Variants in TCP11L1 observed in about 807,000 individuals in gnomAD.
TCP11L1 encodes the protein T-complex protein 11-like protein 1.
TCP11L1 carries 28 observed loss-of-function variants against 48.9 expected under a neutral mutation model. The observed-to-expected ratio is 0.57, with a 90% CI of 0.42 to 0.78. The LOEUF is 0.78. TCP11L1 is among the 30% of genes least tolerant of loss of function. The pLI, the probability that TCP11L1 is intolerant of heterozygous loss-of-function variation, is 0.00. For missense variants in TCP11L1, 505 were observed against 613.4 expected (o/e 0.82, Z 1.87); for synonymous variants, 204 against 231.9 (o/e 0.88, Z 1.09).
chr11:33,057,944 G>A lies in TCP11L1; in HGVS notation c.443G>A (p.Gly148Asp). ...ACTCTCTTATCTTTCTTGCTGCCTG[G>A]TCATACTAGACTGAGAAACCAGATA... The part of the protein sequence containing the change: ...KETLLSFLLP[G>D]HTRLRNQITE... Residue 148 changes from glycine to aspartate, a missense_variant, in exon 5 of 10, where the codon GGT becomes GAT. This residue lies in a region of TCP11L1 where 168 missense variants were observed against 183.5 expected (regional missense o/e 0.92). Coordinates refer to ENST00000334274, the MANE Select transcript of TCP11L1 (RefSeq NM_018393.4). 1 of 1,613,968 alleles carries A rather than the reference G, an allele frequency of 6.2e-7. No homozygotes were observed. Among genetic ancestry groups the A allele is most frequent in the Non-Finnish European group, 8.5e-7 (1 of 1,180,010 alleles).
In TCP11L1 at chr11:33,072,874, A is replaced by C; in HGVS notation, c.*198A>C. ...AATTCTATTTTGAGAGATTGTATTT[A>C]TGAGTGCAAGTTTACAAATCAAAGA... On this transcript the variant is annotated 3_prime_UTR_variant, in exon 10 of 10. Transcript: ENST00000334274. 1 of 639,162 alleles carries C rather than the reference A, an allele frequency of 1.6e-6. No individual in the cohort carries two copies. Among genetic ancestry groups the C allele is most frequent in the Non-Finnish European group, 2.7e-6 (1 of 376,156 alleles). 39.6% of individuals were successfully genotyped at this position (639,162 alleles called of 1,614,324 possible). A position where few individuals can be genotyped will look rare whatever the true frequency, so the allele number is the denominator to read the frequency against.
Position 33,054,605 on chromosome 11 carries a change from G to T in TCP11L1, c.176G>T (p.Arg59Leu). 5.6e-6 allele frequency: 9 copies of T among 1,612,304 alleles called. No individual in the cohort carries two copies. Among genetic ancestry groups the T allele is most frequent in the Non-Finnish European group, 7.6e-6 (9 of 1,179,500 alleles). Reference protein sequence around the residue: ...RVQRPHSSPPRFVTVEELLET... With the variant: ...RVQRPHSSPPLFVTVEELLET... The stretch of plus-strand genomic sequence containing the variant: ...GTTTCTGTTACAGCTAGTCCTCCTC[G>T]CTTTGTGACAGTAGAAGAACTTCTA... Residue 59 changes from arginine (R) to leucine (L), a missense_variant, in exon 3 of 10, where the codon CGC becomes CTC. Arg to Leu is a moderately radical substitution (Grantham distance 102). Coordinates refer to ENST00000334274, the MANE Select transcript of TCP11L1 (RefSeq NM_018393.4).
intron 7 of TCP11L1, 117 bp from the exon 8 acceptor site, chr11:33,065,709 GACAC>G: frequency 5.3e-6 from 6 of 1,124,944 alleles, no homozygotes; most frequent in Non-Finnish European, 7.6e-6. Context: ...TCAAAGCTCT[GACAC>G]ACTAGCGCAA....
chr11:33,051,740 C>G (rs950541322), intron 2 of TCP11L1, among the ~76,000 whole-genome samples: 6 of 152,082 alleles, frequency 3.9e-5, no homozygotes, highest in Non-Finnish European at 8.8e-5. Context: ...GCCACCGTGC[C>G]CGGCCTATCC....
chr11:33,058,437 G>C (rs1055249819), intron 5 of TCP11L1, among the ~76,000 whole-genome samples: 4 of 151,556 alleles, frequency 2.6e-5, no homozygotes, highest in Admixed American at 2.6e-4. Context: ...GACCTCACGT[G>C]ATTGGCTGCC....
chr11:33,070,121 A>T (rs983023201), intron 9 of TCP11L1, among the ~76,000 whole-genome samples: 37 of 145,566 alleles, frequency 2.5e-4, no homozygotes, highest in African/African-American at 4.6e-4. Flanking sequence ...ACAAAAAATT[A>T]AAAAAAAAAA....
chr11:33,042,196 T>G (rs1853856539), intron 1 of TCP11L1, among the ~76,000 whole-genome samples: 2 of 152,184 alleles, frequency 1.3e-5, no homozygotes, highest in Non-Finnish European at 2.9e-5. Context: ...AGTGGTGCGA[T>G]CTCGGCTCAC....
Position 33,065,893 on chromosome 11 carries a change from C to T in TCP11L1, c.1036C>T (p.Leu346=). 1.2e-6 allele frequency: 2 copies of T among 1,614,228 alleles called. No homozygotes were observed. Among genetic ancestry groups the T allele is most frequent in the South Asian group, 1.1e-5 (1 of 91,086 alleles). ...LQLQLEQLTI[L]GAVLLVTFSM... ...GTTGCAGCTGGAACAACTGACCATC[C>T]TGGGGGCTGTGTTGCTGGTCACCTT... is the stretch of plus-strand genomic sequence containing the variant. Residue 346 remains leucine (L), a synonymous_variant, in exon 8 of 10, where the codon CTG becomes TTG. Coordinates refer to ENST00000334274, the MANE Select transcript of TCP11L1 (RefSeq NM_018393.4).
chr11:33,043,693 G>A, intron 1 of TCP11L1, 57 bp from the exon 2 acceptor site: 3 of 1,449,696 alleles, frequency 2.1e-6, no homozygotes, highest in Non-Finnish European at 1.9e-6. Context: ...CACATTGCTA[G>A]TTGGTGACAG....
chr11:33,055,557 AG>A (rs1224221581), intron 3 of TCP11L1, among the ~76,000 whole-genome samples: 1 of 152,212 alleles, frequency 6.6e-6, no homozygotes, highest in Non-Finnish European at 1.5e-5. Context: ...GTTGGCTAAA[AG>A]GGAATGAACT....
intron 2 of TCP11L1, among the ~76,000 whole-genome samples, chr11:33,051,742 G>A (rs557689340): frequency 2.3e-4 from 35 of 152,150 alleles, no homozygotes; most frequent in Admixed American, 1.0e-3. Flanking sequence ...CACCGTGCCC[G>A]GCCTATCCTT....
At chr11:33,070,174 G>T (rs975519533) in intron 9 of TCP11L1, among the ~76,000 whole-genome samples, 3 of 152,008 alleles carry the variant, frequency 2.0e-5, no homozygotes, top group Non-Finnish European at 4.4e-5. Flanking sequence ...CTTGCTACTC[G>T]GGAGGCTGAG....
At chr11:33,061,436 A>C in intron 6 of TCP11L1, 94 bp from the exon 7 acceptor site, 1 of 1,226,570 alleles carries the variant, frequency 8.2e-7, no homozygotes, top group Non-Finnish European at 1.1e-6. Context: ...TTTATACTTT[A>C]TCACTCCACC....
chr11:33,046,712 A>G (rs907049608), intron 2 of TCP11L1, among the ~76,000 whole-genome samples: 2 of 152,330 alleles, frequency 1.3e-5, no homozygotes, highest in Non-Finnish European at 2.9e-5. Flanking sequence ...TCTGGGCATC[A>G]GGTAAGGAAG....
intron 1 of TCP11L1, chr11:33,040,055 G>A: frequency 6.6e-6 from 1 of 152,340 alleles, no homozygotes; most frequent in Non-Finnish European, 1.5e-5. Context: ...GACGCCGGGC[G>A]CGAGTGGAGC....
At chr11:33,061,166 G>A (rs1287246044) in intron 6 of TCP11L1, among the ~76,000 whole-genome samples, 1 of 152,082 alleles carries the variant, frequency 6.6e-6, no homozygotes, top group African/African-American at 2.4e-5. Flanking sequence ...ACATTGCCCA[G>A]GCTGGTCTCG....
chr11:33,064,147 T>A (rs987156222), intron 7 of TCP11L1, among the ~76,000 whole-genome samples: 1 of 151,708 alleles, frequency 6.6e-6, no homozygotes, highest in African/African-American at 2.4e-5. Context: ...GTAAAAAAAA[T>A]AAATAGAAAA....
At chr11:33,068,351 A>G (rs1221015086) in intron 8 of TCP11L1, among the ~76,000 whole-genome samples, 1 of 152,176 alleles carries the variant, frequency 6.6e-6, no homozygotes, top group Non-Finnish European at 1.5e-5. Flanking sequence ...TTTCTTGTGT[A>G]TTCCTCCAGA....
chr11:33,062,475 A>G (rs2133733803), intron 7 of TCP11L1, among the ~76,000 whole-genome samples: 1 of 152,224 alleles, frequency 6.6e-6, no homozygotes, highest in Middle Eastern at 3.4e-3. Flanking sequence ...CCTCTTTTCC[A>G]CTGTGTTTTT....
Sources: allele counts gnomAD v4.1 joint callset (sites outside exome capture counted in the v4.1 genomes callset), GRCh38; gene constraint gnomAD v4.1.1; regional missense constraint gnomAD v4.1.1; transcripts MANE v1.5; gene names NCBI Gene and HGNC (gene_info 2026-07-23, HGNC 2026-07-21).